The following RPS6KA5 variants were observed in gnomAD, a reference collection of about 807,000 sequenced individuals.
RPS6KA5 encodes the protein ribosomal protein S6 kinase alpha-5.
In RPS6KA5, 27 loss-of-function variants were observed where a neutral mutation model predicts 85.5. The ratio of observed to expected loss-of-function variants is 0.32; its 90% CI spans 0.23 to 0.44. The LOEUF is 0.44. Among genes scored for constraint, RPS6KA5 ranks in the 20% least tolerant of loss-of-function variants. The pLI is 1.00. For synonymous variants in RPS6KA5, 334 were observed against 348.2 expected (o/e 0.96, Z 0.46); for missense variants, 811 against 980.9 (o/e 0.83, Z 2.31).
chr14:91,035,167 A>G (rs1377730931), intron 1 of RPS6KA5, among the ~76,000 whole-genome samples: 6 of 152,076 alleles, frequency 3.9e-5, no homozygotes, highest in Non-Finnish European at 5.9e-5. Flanking sequence ...GTGGGCATCA[A>G]TGAAGTCTGC....
chr14:90,995,274 C>A (rs1010615949), intron 2 of RPS6KA5, among the ~76,000 whole-genome samples: 1 of 152,130 alleles, frequency 6.6e-6, no homozygotes, highest in East Asian at 1.9e-4. Flanking sequence ...CACGAGCCAC[C>A]GTGCCTGGCC....
intron 15 of RPS6KA5, among the ~76,000 whole-genome samples, chr14:90,874,865 G>C (rs1274205080): frequency 6.6e-6 from 1 of 152,204 alleles, no homozygotes; most frequent in East Asian, 1.9e-4. Context: ...CTGTTTTGGT[G>C]ATCTGGCTTC....
intron 5 of RPS6KA5, among the ~76,000 whole-genome samples, chr14:90,935,441 A>G (rs1321451854): frequency 6.6e-6 from 1 of 152,214 alleles, no homozygotes; most frequent in African/African-American, 2.4e-5. Flanking sequence ...GCATTAATTC[A>G]TTGTGTCTGT....
chr14:91,021,070 T>C (rs1242099309), intron 1 of RPS6KA5, among the ~76,000 whole-genome samples: 1 of 152,092 alleles, frequency 6.6e-6, no homozygotes, highest in Non-Finnish European at 1.5e-5. Context: ...GATAAAGCAA[T>C]AGGGAAATAA....
At chr14:91,030,191 C>T (rs1043776632) in intron 1 of RPS6KA5, among the ~76,000 whole-genome samples, 12 of 152,014 alleles carry the variant, frequency 7.9e-5, no homozygotes, top group African/African-American at 2.2e-4. Flanking sequence ...ATGTCTGAAA[C>T]GGATTTAAGG....
intron 3 of RPS6KA5, among the ~76,000 whole-genome samples, chr14:90,949,813 C>T (rs992919291): frequency 6.6e-6 from 1 of 152,124 alleles, no homozygotes; most frequent in Non-Finnish European, 1.5e-5. Context: ...CTTTATTTTC[C>T]ATTTACTGGG....
intron 3 of RPS6KA5, among the ~76,000 whole-genome samples, chr14:90,972,882 G>GA (rs1197355704): frequency 6.6e-6 from 1 of 151,856 alleles, no homozygotes; most frequent in Non-Finnish European, 1.5e-5. Context: ...AAATTGAGAG[G>GA]AAAAAAAGAG....
At chr14:91,004,108 C>T (rs969333276) in intron 1 of RPS6KA5, among the ~76,000 whole-genome samples, 2 of 152,060 alleles carry the variant, frequency 1.3e-5, no homozygotes, top group Non-Finnish European at 2.9e-5. Flanking sequence ...TTTTTTGAGA[C>T]GGAGTTTCGC....
At chr14:90,996,977 G>A (rs1222163202) in intron 2 of RPS6KA5, among the ~76,000 whole-genome samples, 3 of 152,128 alleles carry the variant, frequency 2.0e-5, no homozygotes, top group East Asian at 3.8e-4. Context: ...GAGTTAGATG[G>A]AATTCTGCCA....
intron 3 of RPS6KA5, among the ~76,000 whole-genome samples, chr14:90,969,074 T>C (rs2039203721): frequency 6.6e-6 from 1 of 152,132 alleles, no homozygotes; most frequent in Non-Finnish European, 1.5e-5. Context: ...TGTATGTGTG[T>C]TTGTATGTAT....
At chr14:90,924,475 T>A (rs186827903) in intron 5 of RPS6KA5, among the ~76,000 whole-genome samples, 1 of 152,166 alleles carries the variant, frequency 6.6e-6, no homozygotes, top group African/African-American at 2.4e-5. Context: ...GAGTCTCTGA[T>A]AGGGGCAGGA....
chr14:91,000,940 A>T, intron 2 of RPS6KA5, 148 bp downstream of exon 2: 1 of 488,564 alleles, frequency 2.0e-6, no homozygotes, highest in East Asian at 3.4e-5. Context: ...TGCTTCTATG[A>T]ATGGTCTGTT....
intron 5 of RPS6KA5, among the ~76,000 whole-genome samples, chr14:90,941,265 C>G (rs1028141404): frequency 6.6e-6 from 1 of 151,996 alleles, no homozygotes; most frequent in Non-Finnish European, 1.5e-5. Flanking sequence ...TCTGTGGCAC[C>G]GGGTGGGATT....
intron 3 of RPS6KA5, among the ~76,000 whole-genome samples, chr14:90,960,601 T>TA (rs1389960144): frequency 2.0e-5 from 3 of 152,138 alleles, no homozygotes; most frequent in Non-Finnish European, 4.4e-5. Context: ...ATAAAATACA[T>TA]ATTAAATAGC....
chr14:90,962,822 T>C (rs1049139653), intron 3 of RPS6KA5, among the ~76,000 whole-genome samples: 1 of 152,230 alleles, frequency 6.6e-6, no homozygotes, highest in African/African-American at 2.4e-5. Flanking sequence ...TTTTCATATA[T>C]GTGCATATTT....
intron 7 of RPS6KA5, chr14:90,911,194 T>C (rs2035800797): frequency 6.6e-6 from 1 of 152,248 alleles, no homozygotes; most frequent in Non-Finnish European, 1.5e-5. Context: ...ATTCTCTTTG[T>C]TTTGTTCACT....
chr14:91,030,611 G>GAAAA (rs58737573), intron 1 of RPS6KA5, among the ~76,000 whole-genome samples: 4 of 22,070 alleles, frequency 1.8e-4, no homozygotes, highest in South Asian at 2.5e-3. Flanking sequence ...AAAATAAACA[G>GAAAA]AAAAAAAAAA....
chr14:90,973,895 A>G (rs921630533), intron 3 of RPS6KA5, among the ~76,000 whole-genome samples: 3 of 151,784 alleles, frequency 2.0e-5, no homozygotes, highest in African/African-American at 7.3e-5. Flanking sequence ...AAAATTAGCC[A>G]GGTGTGGTGG....
intron 5 of RPS6KA5, among the ~76,000 whole-genome samples, chr14:90,933,928 A>G (rs1240028837): frequency 6.6e-6 from 1 of 152,146 alleles, no homozygotes; most frequent in African/African-American, 2.4e-5. Flanking sequence ...CCTTCCTGAG[A>G]TATCTACATG....
Sources: gnomAD v4.1 joint callset for allele counts (sites outside exome capture counted in the v4.1 genomes callset) on GRCh38, gnomAD v4.1.1 for gene constraint, MANE v1.5 for transcripts, NCBI Gene and HGNC (gene_info 2026-07-23, HGNC 2026-07-21) for gene names.